Variants in NBPF26 observed in about 807,000 individuals in gnomAD.
NBPF26 encodes the protein NBPF member 26.
Under a neutral mutation model 119.6 loss-of-function variants are expected in NBPF26, and 79 were observed. The ratio of observed to expected loss-of-function variants is 0.66; its 90% CI spans 0.55 to 0.80. NBPF26 has a LOEUF of 0.80. NBPF26 is among the 30% of genes least tolerant of loss of function. NBPF26 has a pLI of 0.00. For synonymous variants in NBPF26, 299 were observed against 457.7 expected, an observed-to-expected ratio of 0.65 and a Z score of 4.43; for missense variants, 800 against 1,198.2, an observed-to-expected ratio of 0.67 and a Z score of 4.91.
At position 120,728,604 on chromosome 1, in the gene NBPF26, A is replaced by G; in HGVS notation, c.73+4354A>G. On this transcript the variant is annotated intron_variant, in intron 1 of 29. Transcript: ENST00000620612. ...TGTATTACTGTATTACTAGGCCAGC[A>G]ATTTCTGTTATTTTGTCCAGAATAG... is the stretch of plus-strand genomic sequence containing the variant. Among the ~76,000 whole-genome samples the G allele has an allele frequency of 1.7e-5, 2 of 117,452 alleles. 1 individual carries two copies. The highest frequency in any genetic ancestry group is 4.2e-4 in the East Asian group (2 of 4,778). The allele number at this position is 117,452 out of a possible 152,430, so 77.1% of individuals were successfully genotyped here. A position where few individuals can be genotyped will look rare whatever the true frequency, so the allele number is the denominator to read the frequency against.
chr1:120,828,801 CCA>C (rs1652283686), intron 18 of NBPF26, among the ~76,000 whole-genome samples: 1 of 37,280 alleles, frequency 2.7e-5, no homozygotes, highest in Non-Finnish European at 4.3e-5. Flanking sequence ...GGAATTTTAC[CCA>C]CAGTTTCTGG....
chr1:120,776,396 C>T (rs1651307028), intron 2 of NBPF26, among the ~76,000 whole-genome samples: 1 of 62,242 alleles, frequency 1.6e-5, no homozygotes, highest in Non-Finnish European at 2.7e-5. Context: ...AAGTAGTGTA[C>T]TATAGCATTT....
rs1651546018 is a variant in NBPF26, at chr1:120,795,932, G to T, written c.751+2436G>T. Among the ~76,000 whole-genome samples, 4 of 25,034 alleles carry T rather than the reference G, an allele frequency of 1.6e-4. 2 individuals carry two copies. Among genetic ancestry groups the T allele is most frequent in the Non-Finnish European group, 3.2e-4 (4 of 12,508 alleles). 16.4% of individuals were successfully genotyped at this position (25,034 alleles called of 152,430 possible). A position where few individuals can be genotyped will look rare whatever the true frequency, so the allele number is the denominator to read the frequency against. ...GTTACATATCAATATGTGTGTGTGT[G>T]TGTGTGTGTGTGTGTGTATATGCCG... On this transcript the variant is annotated intron_variant, in intron 4 of 29. Transcript: ENST00000620612.
intron 1 of NBPF26, among the ~76,000 whole-genome samples, chr1:120,756,736 A>G (rs1282966251): frequency 8.7e-6 from 1 of 115,302 alleles, no homozygotes; most frequent in African/African-American, 5.4e-5. Flanking sequence ...ACTGAAAAGC[A>G]TTGGAAAACT....
chr1:120,818,641 C>A lies in NBPF26; in HGVS notation c.2423+467C>A, dbSNP rs1281659283. ...ATTTAGTGCTATAATTTTCCCTCTA[C>A]ACATTGCTTTAAATGTGTCCCAGAG... is the stretch of plus-strand genomic sequence containing the variant. On this transcript the variant is annotated intron_variant, in intron 15 of 29. Coordinates refer to ENST00000620612, the Ensembl canonical transcript of NBPF26. Among the ~76,000 whole-genome samples the A allele has an allele frequency of 2.4e-5, 3 of 125,902 alleles. 1 individual carries two copies. The highest frequency in any genetic ancestry group is 4.9e-5 in the Non-Finnish European group (3 of 61,542). The allele number at this position is 125,902 out of a possible 152,430, so 82.6% of individuals were successfully genotyped here.
intron 5 of NBPF26, among the ~76,000 whole-genome samples, chr1:120,807,267 CA>C (rs1651719543): frequency 1.6e-5 from 2 of 126,546 alleles, no homozygotes; most frequent in African/African-American, 7.4e-5. Context: ...TGCCCCAGTG[CA>C]GTGTTTTAGA....
chr1:120,773,832 TA>T (rs1245316690), intron 2 of NBPF26, among the ~76,000 whole-genome samples: 1 of 118,534 alleles, frequency 8.4e-6, no homozygotes, highest in African/African-American at 3.8e-5. Flanking sequence ...TGGATTGGGA[TA>T]GGGGAAGTGA....
Position 120,840,214 on chromosome 1 carries a change from A to G in NBPF26, c.4104-136A>G, listed in dbSNP as rs200154676. The G allele has an allele frequency of 1.4e-5, 16 of 1,106,150 alleles. 5 individuals carry two copies. The highest frequency in any genetic ancestry group is 1.9e-5 in the Non-Finnish European group (16 of 831,140). 68.5% of individuals were successfully genotyped at this position (1,106,150 alleles called of 1,614,324 possible). A position where few individuals can be genotyped will look rare whatever the true frequency, so the allele number is the denominator to read the frequency against. ...TTCTATCCCAACATAAAGGCAATAA[A>G]TTTTTTTTTTACCTCATTAATGGAT... On this transcript the variant is annotated intron_variant, in intron 29 of 29. Transcript: ENST00000620612.
chr1:120,820,466 A>ATATG (rs1652109270), intron 15 of NBPF26, among the ~76,000 whole-genome samples: 3 of 37,390 alleles, frequency 8.0e-5, no homozygotes, highest in African/African-American at 3.1e-4. Flanking sequence ...ATATATATAT[A>ATATG]TATATATATA....
rs1182208293 is a variant in NBPF26 at position 120,814,741 on chromosome 1, G to A, written c.1878-88G>A. The A allele has an allele frequency of 1.4e-5, 12 of 828,734 alleles. 2 individuals are homozygous for A. Among genetic ancestry groups the A allele is most frequent in the African/African-American group, 7.5e-5 (3 of 39,910 alleles). 51.3% of individuals were successfully genotyped at this position (828,734 alleles called of 1,614,324 possible). A position where few individuals can be genotyped will look rare whatever the true frequency, so the allele number is the denominator to read the frequency against. On this transcript the variant is annotated intron_variant, in intron 11 of 29. Transcript: ENST00000620612. ...CCTTCTGCTTCGAGGTCTCCTTGAG[G>A]ACATTGTCTCAGAAATCTCTGTTGC... is the stretch of plus-strand genomic sequence containing the variant.
At chr1:120,833,154 C>T (rs1388960461) in intron 23 of NBPF26, among the ~76,000 whole-genome samples, 171 bp downstream of exon 27, 1 of 117,964 alleles carries the variant, frequency 8.5e-6, no homozygotes, top group African/African-American at 4.7e-5. Context: ...TTTCTTCCTC[C>T]CCTTATCATT....
chr1:120,802,580 G>A (rs1553269096), intron 4 of NBPF26, among the ~76,000 whole-genome samples: 2 of 121,646 alleles, frequency 1.6e-5, no homozygotes, highest in Non-Finnish European at 3.3e-5. Flanking sequence ...AGCATGCTTT[G>A]AATATAAATT....
intron 8 of NBPF26, 89 bp downstream of exon 8, chr1:120,809,972 A>G: frequency 3.4e-6 from 5 of 1,464,136 alleles, no homozygotes; most frequent in African/African-American, 1.9e-5. Flanking sequence ...ATGGTGGGCC[A>G]AAAGCCCACA....
downstream of NBPF26, chr1:120,840,735 C>T: frequency 8.5e-7 from 1 of 1,180,398 alleles, no homozygotes; most frequent in Non-Finnish European, 1.1e-6. Flanking sequence ...ATTCTCAAAC[C>T]ATGCCAGTGG....
rs1315065971 is a variant in NBPF26, at chr1:120,793,409, T to C, written c.664T>C (p.Tyr222His). Residue 222 changes from tyrosine to histidine, a missense_variant, in exon 4 of 30, where the codon TAT becomes CAT. Tyr to His is a moderately conservative substitution (Grantham distance 83). Around this residue, in one of 13 missense-constraint regions of NBPF26, gnomAD observed 155 missense variants for 143.7 expected, o/e 1.08. Transcript: ENST00000620612. ...CACAGGCCAGTACTGTGACAGACTG[T>C]ATGTGCCCTGTGCACACTCGCCTTG... 3,700 of 1,441,842 alleles carry C rather than the reference T, an allele frequency of 2.6e-3. 860 individuals carry two copies. In the Middle Eastern group the frequency reaches 0.049, roughly 19 times the overall value. The allele number at this position is 1,441,842 out of a possible 1,614,324, so 89.3% of individuals were successfully genotyped here.
exon 5 of NBPF26, chr1:120,805,617 C>G: frequency 6.8e-7 from 1 of 1,463,100 alleles, no homozygotes; most frequent in East Asian, 2.3e-5. Flanking sequence ...GCCATTGGTC[C>G]AGTGAGAAGG....
chr1:120,811,310 C>A lies in NBPF26; in HGVS notation c.1565-576C>A, dbSNP rs1651859701. ...ATCTTAATCCCAACACTTTGGGAGG[C>A]CGAGGTGGGCGGAACACCTGAGCTC... On this transcript the variant is annotated intron_variant, in intron 9 of 29. Transcript: ENST00000620612. Among the ~76,000 whole-genome samples the A allele has an allele frequency of 3.7e-5, 4 of 109,450 alleles. 1 individual carries two copies. The allele number at this position is 109,450 out of a possible 152,430, so 71.8% of individuals were successfully genotyped here. A position where few individuals can be genotyped will look rare whatever the true frequency, so the allele number is the denominator to read the frequency against.
intron 27 of NBPF26, among the ~76,000 whole-genome samples, chr1:120,838,485 G>C (rs1571049487): frequency 2.9e-5 from 2 of 68,156 alleles, no homozygotes; most frequent in Admixed American, 1.7e-4. Flanking sequence ...AATTCACTGA[G>C]CTCGTTCTCT....
chr1:120,791,461 T>G lies in NBPF26; in HGVS notation c.416-1700T>G, dbSNP rs1209427056. ...GCACATATACACCATGGAATACTAT[T>G]CAGCCATAAAAAAGGATGAGTTCAT... On this transcript the variant is annotated intron_variant, in intron 3 of 29. Coordinates refer to ENST00000620612, the Ensembl canonical transcript of NBPF26. Among the ~76,000 whole-genome samples, 23 of 101,856 alleles carry G rather than the reference T, an allele frequency of 2.3e-4. 6 individuals are homozygous for G. Among genetic ancestry groups the G allele is most frequent in the Non-Finnish European group, 3.4e-4 (19 of 55,378 alleles). 66.8% of individuals were successfully genotyped at this position (101,856 alleles called of 152,430 possible).
Sources: allele counts gnomAD v4.1 joint callset (sites outside exome capture counted in the v4.1 genomes callset), GRCh38; gene constraint gnomAD v4.1.1; regional missense constraint gnomAD v4.1.1; transcripts MANE v1.5; gene names NCBI Gene and HGNC (gene_info 2026-07-23, HGNC 2026-07-21).